EHMT1: variants seen among roughly 807,000 people sequenced by gnomAD.
EHMT1 encodes euchromatic histone lysine methyltransferase 1, also known as histone-lysine N-methyltransferase EHMT1.
Under a neutral mutation model 147.2 loss-of-function variants are expected in EHMT1, and 15 were observed. That is an observed-to-expected ratio of 0.10 (90% CI 0.07 to 0.16). The LOEUF is 0.16. Ranked by LOEUF, EHMT1 falls within the 10% of genes least tolerant of loss-of-function variation. The probability of loss-of-function intolerance (pLI) is 1.00; values close to 1 mark genes in which losing one functional copy is unlikely to be tolerated. For synonymous variants in EHMT1, 795 were observed against 709.6 expected (o/e 1.12, Z -1.91); for missense variants, 1,587 against 1,772.4 (o/e 0.90, Z 1.88).
intron 1 of EHMT1, among the ~76,000 whole-genome samples, chr9:137,664,654 A>G (rs1337677271): frequency 6.6e-6 from 1 of 151,362 alleles, no homozygotes; most frequent in Admixed American, 6.6e-5. Flanking sequence ...TTTCAGCTGC[A>G]TTTGTTTTAT....
intron 1 of EHMT1, among the ~76,000 whole-genome samples, chr9:137,699,979 T>C (rs545832029): frequency 3.2e-4 from 49 of 152,368 alleles, no homozygotes; most frequent in African/African-American, 1.1e-3. Context: ...AAAGTGGTAG[T>C]GTTGTAAAAA....
At chr9:137,754,843 G>A (rs757699053) in intron 8 of EHMT1, among the ~76,000 whole-genome samples, 7 of 152,174 alleles carry the variant, frequency 4.6e-5, no homozygotes, top group Non-Finnish European at 8.8e-5. Context: ...ATGTTGAACC[G>A]AGGTGAATCA....
intron 3 of EHMT1, among the ~76,000 whole-genome samples, chr9:137,717,499 A>G (rs1945451040): frequency 1.3e-5 from 2 of 150,978 alleles, no homozygotes; most frequent in African/African-American, 4.9e-5. Context: ...AGTCCCAGCT[A>G]CTCAGGAGTG....
chr9:137,699,536 T>C (rs1453839473), intron 1 of EHMT1, among the ~76,000 whole-genome samples: 6 of 152,074 alleles, frequency 3.9e-5, no homozygotes, highest in African/African-American at 1.2e-4. Flanking sequence ...AGCCAGGCTC[T>C]AATTGCCATG....
intron 1 of EHMT1, among the ~76,000 whole-genome samples, chr9:137,623,870 G>A (rs1290300560): frequency 7.2e-5 from 11 of 152,142 alleles, no homozygotes; most frequent in Admixed American, 7.2e-4. Flanking sequence ...ACAGTCTGGA[G>A]GAGTGGTTCA....
At chr9:137,796,886 G>A (rs1041392546) in intron 16 of EHMT1, among the ~76,000 whole-genome samples, 1 of 151,956 alleles carries the variant, frequency 6.6e-6, no homozygotes, top group Non-Finnish European at 1.5e-5. Context: ...CTGACGGGGC[G>A]GGACATAGAG....
chr9:137,715,778 T>C (rs1490398206), intron 2 of EHMT1: 2 of 985,332 alleles, frequency 2.0e-6, no homozygotes, highest in Non-Finnish European at 2.4e-6. Context: ...GCCCTTTTTC[T>C]GACCCATTTT....
At chr9:137,789,931 T>C (rs1176191305) in intron 15 of EHMT1, among the ~76,000 whole-genome samples, 1 of 152,240 alleles carries the variant, frequency 6.6e-6, no homozygotes, top group Non-Finnish European at 1.5e-5. Context: ...GGTTTCACCA[T>C]GTTGGCCAGG....
chr9:137,658,053 C>T lies in EHMT1; in HGVS notation c.21+39004C>T, dbSNP rs561358319. ...TAGTTGTGGATGATGGGATCTCATT[C>T]TGTTCATGGCTGAATACTGCCTCAT... On this transcript the variant is annotated intron_variant, in intron 1 of 26. Coordinates refer to ENST00000460843, the MANE Select transcript of EHMT1 (RefSeq NM_024757.5). Among the ~76,000 whole-genome samples the T allele has an allele frequency of 5.9e-5, 9 of 152,276 alleles. No individual in the cohort carries two copies. The South Asian group carries it at 1.5e-3, about 25-fold the overall frequency.
intron 1 of EHMT1, among the ~76,000 whole-genome samples, chr9:137,704,448 C>A (rs917644374): frequency 3.3e-5 from 5 of 152,090 alleles, no homozygotes; most frequent in Non-Finnish European, 7.4e-5. Flanking sequence ...TTTTAAGAAA[C>A]ATGGACATTT....
chr9:137,669,594 C>T (rs1236091767), intron 1 of EHMT1, among the ~76,000 whole-genome samples: 3 of 147,152 alleles, frequency 2.0e-5, no homozygotes, highest in Non-Finnish European at 4.5e-5. Context: ...CTACCCAGGG[C>T]GCAGCCGCTC....
At chr9:137,624,307 C>CTT (rs1252295320) in intron 1 of EHMT1, among the ~76,000 whole-genome samples, 32 of 130,806 alleles carry the variant, frequency 2.4e-4, no homozygotes, top group East Asian at 6.7e-4. Flanking sequence ...TGCCCGGCCT[C>CTT]TTTTTTTTTT....
At chr9:137,689,352 T>G (rs1314190436) in intron 1 of EHMT1, among the ~76,000 whole-genome samples, 1 of 152,196 alleles carries the variant, frequency 6.6e-6, no homozygotes, top group Non-Finnish European at 1.5e-5. Context: ...TGTGAGTATG[T>G]ACTTTTTAAC....
intron 18 of EHMT1, chr9:137,803,049 GC>G: frequency 1.6e-5 from 20 of 1,230,856 alleles, no homozygotes; most frequent in Non-Finnish European, 2.0e-5. Context: ...AGACTGCGTG[GC>G]GGGGAAGGCG....
intron 1 of EHMT1, among the ~76,000 whole-genome samples, chr9:137,693,089 T>C (rs554251239): frequency 6.6e-6 from 1 of 151,800 alleles, no homozygotes; most frequent in East Asian, 1.9e-4. Context: ...AAAGGAAAAG[T>C]GTAGTGGGTG....
At chr9:137,781,508 TG>T (rs1951553866) in intron 14 of EHMT1, among the ~76,000 whole-genome samples, 1 of 152,190 alleles carries the variant, frequency 6.6e-6, no homozygotes, top group East Asian at 1.9e-4. Context: ...CGGCAGTCGA[TG>T]TTTCACCTGT....
chr9:137,762,560 C>T, intron 9 of EHMT1, 115 bp from the exon 10 acceptor site: 1 of 1,549,234 alleles, frequency 6.5e-7, no homozygotes, highest in Non-Finnish European at 8.7e-7. Flanking sequence ...TAATCAACCG[C>T]ATTGCTTTCA....
chr9:137,635,748 A>G (rs1157044284), intron 1 of EHMT1, among the ~76,000 whole-genome samples: 119 of 150,784 alleles, frequency 7.9e-4, no homozygotes, highest in Non-Finnish European at 7.4e-5. Context: ...TGAACCTGGG[A>G]GGCGGAGCTT....
At position 137,760,030 on chromosome 9, in the gene EHMT1, C is replaced by T. The variant is rs910641947; in HGVS notation, c.1501+2019C>T. On this transcript the variant is annotated intron_variant, in intron 9 of 26. Coordinates refer to ENST00000460843, the MANE Select transcript of EHMT1 (RefSeq NM_024757.5). ...CTTTCCCCGTTGCCTTGCTCTTGGG[C>T]CTGCCTTATTGAGGCTGAATGGCGA... is the stretch of plus-strand genomic sequence containing the variant. Among the ~76,000 whole-genome samples, 3 of 152,202 alleles carry T rather than the reference C, an allele frequency of 2.0e-5. No homozygotes were observed. In the South Asian group the frequency reaches 6.2e-4, roughly 31 times the overall value.
Sources: allele counts gnomAD v4.1 joint callset (sites outside exome capture counted in the v4.1 genomes callset), GRCh38; gene constraint gnomAD v4.1.1; transcripts MANE v1.5; gene names NCBI Gene and HGNC (gene_info 2026-07-23, HGNC 2026-07-21).